The following PATJ variants were observed in gnomAD, a reference collection of about 807,000 sequenced individuals.
The protein encoded by PATJ is inaD-like protein.
A neutral mutation model predicts 224.9 loss-of-function variants in PATJ; 190 were observed. The ratio of observed to expected loss-of-function variants is 0.84; its 90% CI spans 0.75 to 0.95. The LOEUF (loss-of-function observed/expected upper bound fraction) is 0.95, where lower values mean the gene tolerates loss of function less well. PATJ is among the 40% of genes least tolerant of loss of function. PATJ has a pLI of 0.00. For missense variants in PATJ, 2,121 were observed against 2,270.3 expected (o/e 0.93, Z 1.34); for synonymous variants, 769 against 820.3 (o/e 0.94, Z 1.07).
chr1:61,766,038 G>A (rs1202789854), intron 3 of PATJ, among the ~76,000 whole-genome samples: 1 of 152,076 alleles, frequency 6.6e-6, no homozygotes, highest in African/African-American at 2.4e-5. Context: ...CTGTTAACTT[G>A]GACTAGTGGT....
At chr1:61,961,837 T>G (rs1356139074) in intron 27 of PATJ, among the ~76,000 whole-genome samples, 1 of 151,698 alleles carries the variant, frequency 6.6e-6, no homozygotes, top group Non-Finnish European at 1.5e-5. Flanking sequence ...GGCGTGGTGG[T>G]GCATGCCTGT....
At chr1:61,882,248 GCTGA>G (rs1557814011) in intron 21 of PATJ, among the ~76,000 whole-genome samples, 7 of 152,100 alleles carry the variant, frequency 4.6e-5, no homozygotes. Flanking sequence ...GAGTGGTCAG[GCTGA>G]CTGTTTTCAT....
intron 28 of PATJ, among the ~76,000 whole-genome samples, chr1:62,009,555 G>T (rs12071745): frequency 6.6e-6 from 1 of 151,956 alleles, no homozygotes; most frequent in Admixed American, 6.6e-5. Flanking sequence ...TGAAGGTTGG[G>T]GTGGCTGTGA....
At chr1:61,978,690 A>T (rs1644284220) in intron 27 of PATJ, among the ~76,000 whole-genome samples, 1 of 152,086 alleles carries the variant, frequency 6.6e-6, no homozygotes, top group Non-Finnish European at 1.5e-5. Context: ...GATGTTTATT[A>T]TACCTGATTT....
rs1668828204 is a variant in PATJ, at chr1:62,153,397, T to A, written c.5418T>A (p.Ser1806=). ...PPKIITLEKG[S]EGLGFSIVGG... ...AGATTATTACTTTGGAGAAAGGCTC[T>A]GAAGGCTTGGGGTTTAGTATTGTAG... The change falls in exon 43 of 44, where the codon TCT becomes TCA. Residue 1806 remains serine (S), a synonymous_variant. Transcript: ENST00000642238. 2 of 1,231,634 alleles carry A rather than the reference T, an allele frequency of 1.6e-6. No individual in the cohort carries two copies. The highest frequency in any genetic ancestry group is 2.0e-6 in the Non-Finnish European group (2 of 987,604). The allele number at this position is 1,231,634 out of a possible 1,614,324, so 76.3% of individuals were successfully genotyped here.
intron 27 of PATJ, among the ~76,000 whole-genome samples, chr1:61,936,119 A>G (rs1676823884): frequency 6.6e-6 from 1 of 152,092 alleles, no homozygotes; most frequent in Admixed American, 6.6e-5. Context: ...TGTCACCACT[A>G]TTAATTTTAG....
In PATJ at chr1:61,796,547, A is replaced by G. The variant is rs180682830; in HGVS notation, c.1261-740A>G. 1.1e-4 allele frequency among the ~76,000 whole-genome samples: 17 copies of G among 152,284 alleles called. No individual in the cohort carries two copies. In the East Asian group the frequency reaches 1.5e-3, roughly 14 times the overall value. ...TAAAGTCCTTTATATCTCTCAGGCTATTAGTTAAGTGACAAATTTGAATTT... is the reference window on the plus strand; with the variant it reads ...TAAAGTCCTTTATATCTCTCAGGCTGTTAGTTAAGTGACAAATTTGAATTT... On this transcript the variant is annotated intron_variant, in intron 10 of 43. Coordinates refer to ENST00000642238, the MANE Select transcript of PATJ (RefSeq NM_001350145.3).
chr1:61,779,465 A>G (rs61508434), intron 7 of PATJ, among the ~76,000 whole-genome samples: 2,597 of 152,274 alleles, frequency 0.017, 81 homozygotes, highest in African/African-American at 0.06. Flanking sequence ...ATTGAGGGTA[A>G]TTTTCCTTTA....
In PATJ at chr1:62,017,847, C is replaced by A; in HGVS notation, c.3868-9C>A. On this transcript the variant is annotated splice_polypyrimidine_tract_variant and intron_variant, in intron 28 of 43. Coordinates refer to ENST00000642238, the MANE Select transcript of PATJ (RefSeq NM_001350145.3). Reference sequence around the variant, plus strand: ...TATAATTTAGTACATTGTGGTTTTTCCCAAACAGATAAACAATCAGATTCT... The same window carrying A: ...TATAATTTAGTACATTGTGGTTTTTACCAAACAGATAAACAATCAGATTCT... 3 of 1,552,428 alleles carry A rather than the reference C, an allele frequency of 1.9e-6. No individual in the cohort carries two copies. The highest frequency in any genetic ancestry group is 1.4e-5 in the African/African-American group (1 of 73,682).
intron 27 of PATJ, among the ~76,000 whole-genome samples, chr1:61,947,640 C>G (rs186873102): frequency 3.3e-5 from 5 of 152,252 alleles, no homozygotes; most frequent in African/African-American, 1.2e-4. Flanking sequence ...CCATACTACC[C>G]AAGGTAATTT....
intron 30 of PATJ, chr1:62,039,149 C>A (rs1437772107): frequency 9.8e-6 from 6 of 610,068 alleles, no homozygotes; most frequent in Non-Finnish European, 1.9e-5. Flanking sequence ...GTCATAGGAA[C>A]TCCATCCTAC....
At chr1:62,095,345 T>C (rs956208811) in intron 33 of PATJ, among the ~76,000 whole-genome samples, 15 of 152,190 alleles carry the variant, frequency 9.9e-5, no homozygotes, top group African/African-American at 3.6e-4. Flanking sequence ...CATGAATCAA[T>C]GAGGTGATAC....
At chr1:61,790,422 A>G (rs1270112309) in intron 8 of PATJ, among the ~76,000 whole-genome samples, 1 of 151,704 alleles carries the variant, frequency 6.6e-6, no homozygotes, top group African/African-American at 2.4e-5. Context: ...TTGTTAGTTC[A>G]TAGTTAGTTC....
rs369641133 is a variant in PATJ, at chr1:61,951,168, A to C, written c.3670+23339A>C. 1.2e-4 allele frequency among the ~76,000 whole-genome samples: 18 copies of C among 150,530 alleles called. No individual in the cohort carries two copies. In the South Asian group the frequency reaches 2.6e-3, roughly 22 times the overall value. On this transcript the variant is annotated intron_variant, in intron 27 of 43. Transcript: ENST00000642238. ...CGCACCTCTGCACTTCAGCCTGGGC[A>C]ACTCTGTCTAAAAAAAAAAAAAGGA...
chr1:61,848,915 G>A (rs968045442), intron 17 of PATJ, among the ~76,000 whole-genome samples: 4 of 152,112 alleles, frequency 2.6e-5, no homozygotes, highest in Admixed American at 6.5e-5. Context: ...TTCCTCAGTT[G>A]ACCATTATTA....
chr1:61,847,970 GT>G (rs1662232394), intron 17 of PATJ, among the ~76,000 whole-genome samples: 1 of 152,064 alleles, frequency 6.6e-6, no homozygotes, highest in African/African-American at 2.4e-5. Flanking sequence ...CCCTTTTTGA[GT>G]TTTGTGACCA....
intron 27 of PATJ, among the ~76,000 whole-genome samples, chr1:61,969,794 A>G (rs1461645595): frequency 6.6e-6 from 1 of 152,194 alleles, no homozygotes; most frequent in South Asian, 2.1e-4. Flanking sequence ...CCTGGGTTCA[A>G]GTGATTCTCG....
At chr1:61,773,980 C>T (rs1300452906) in intron 6 of PATJ, among the ~76,000 whole-genome samples, 6 of 151,462 alleles carry the variant, frequency 4.0e-5, no homozygotes, top group East Asian at 1.9e-4. Flanking sequence ...ATTAGCCGGG[C>T]GTGGTGGCAG....
intron 26 of PATJ, among the ~76,000 whole-genome samples, chr1:61,926,843 G>A (rs778829462): frequency 5.9e-5 from 9 of 152,230 alleles, no homozygotes; most frequent in Non-Finnish European, 1.3e-4. Flanking sequence ...ACTTACTGAA[G>A]TGTATCCTGC....
Sources: allele counts gnomAD v4.1 joint callset (sites outside exome capture counted in the v4.1 genomes callset), GRCh38; gene constraint gnomAD v4.1.1; transcripts MANE v1.5; gene names NCBI Gene and HGNC (gene_info 2026-07-23, HGNC 2026-07-21).